ACSM2B: variants seen among roughly 807,000 people sequenced by gnomAD.
The protein encoded by ACSM2B is acyl-CoA synthetase medium chain family member 2B.
In ACSM2B, 58 loss-of-function variants were observed where a neutral mutation model predicts 78.6. The ratio of observed to expected loss-of-function variants is 0.74; its 90% confidence interval spans 0.60 to 0.92. ACSM2B has a LOEUF of 0.92. Among genes scored for constraint, ACSM2B ranks in the 40% least tolerant of loss-of-function variants. The pLI is 0.00. For synonymous variants in ACSM2B, 257 were observed against 256.8 expected (o/e 1.00, Z -0.01); for missense variants, 688 against 711.2 (o/e 0.97, Z 0.37).
At chr16:20,574,859 C>T (rs1036059248) in intron 1 of ACSM2B, among the ~76,000 whole-genome samples, 2 of 150,760 alleles carry the variant, frequency 1.3e-5, no homozygotes, top group Admixed American at 1.3e-4. Flanking sequence ...GCTTCTGAAG[C>T]TGGGAGATAG....
At chr16:20,538,654 G>C (rs1463572790) in intron 13 of ACSM2B, among the ~76,000 whole-genome samples, 1 of 152,140 alleles carries the variant, frequency 6.6e-6, no homozygotes, top group Non-Finnish European at 1.5e-5. Flanking sequence ...CACATCTATT[G>C]AGATATTTGA....
chr16:20,566,700 A>ATATATATAG (rs1567218410), intron 1 of ACSM2B, among the ~76,000 whole-genome samples: 1 of 6,704 alleles, frequency 1.5e-4, no homozygotes, highest in African/African-American at 4.7e-4. Context: ...TATATATAGT[A>ATATATATAG]TATATATAGT....
chr16:20,572,111 G>T (rs1025038588), intron 1 of ACSM2B, among the ~76,000 whole-genome samples: 24 of 151,212 alleles, frequency 1.6e-4, no homozygotes, highest in African/African-American at 5.8e-4. Flanking sequence ...CATTCATTGT[G>T]CTATTTGTTG....
intron 2 of ACSM2B, 107 bp downstream of exon 2, chr16:20,564,562 A>C: frequency 6.7e-7 from 1 of 1,483,372 alleles, no homozygotes; most frequent in South Asian, 1.4e-5. Flanking sequence ...AGCTTATTAC[A>C]GTGCCTTACA....
chr16:20,570,702 C>CGTT (rs772640376), intron 1 of ACSM2B, among the ~76,000 whole-genome samples: 2 of 150,664 alleles, frequency 1.3e-5, no homozygotes, highest in South Asian at 2.1e-4. Flanking sequence ...TTTTTGTTGT[C>CGTT]GTTGTTGTTG....
intron 1 of ACSM2B, chr16:20,574,151 G>C (rs2016178399): frequency 6.6e-6 from 1 of 151,984 alleles, no homozygotes. Context: ...TTCCATGCTG[G>C]GAAAAGAATT....
At chr16:20,549,900 G>T (rs1246851637) in intron 6 of ACSM2B, 1 of 379,862 alleles carries the variant, frequency 2.6e-6, no homozygotes, top group African/African-American at 2.2e-5. Flanking sequence ...AGAAAGGAAT[G>T]CCTTAGTTAA....
intron 1 of ACSM2B, among the ~76,000 whole-genome samples, chr16:20,567,307 A>G (rs2015932057): frequency 8.1e-6 from 1 of 122,722 alleles, no homozygotes; most frequent in Admixed American, 1.0e-4. Flanking sequence ...TGTATAGTAC[A>G]ATATATAATA....
intron 2 of ACSM2B, among the ~76,000 whole-genome samples, chr16:20,562,885 A>G (rs2015705646): frequency 6.6e-6 from 1 of 152,148 alleles, no homozygotes; most frequent in Admixed American, 6.6e-5. Context: ...AAACTTACTG[A>G]CACTACCTAG....
Position 20,540,743 on chromosome 16 carries a change from G to A in ACSM2B, c.1540C>T (p.Gln514Ter). The A allele has an allele frequency of 6.2e-7, 1 of 1,614,096 alleles. No individual in the cohort carries two copies. The highest frequency in any genetic ancestry group is 2.2e-5 in the East Asian group (1 of 44,880). The change falls in exon 13 of 14, where the codon CAG becomes TAG. Residue 514 changes from glutamine (Q) to a stop codon, truncating the protein, a stop_gained. Transcript: ENST00000329697. LOFTEE classifies it high-confidence loss of function. ...TGTTCTGGGTCATGGGATAGGAACT[G>A]CGAGGCCAGGATCACAAATGCCTTC... ...VVKAFVILASQFLSHDPEQLT... is the reference protein window; with the variant it reads ...VVKAFVILAS
chr16:20,566,322 C>T (rs2015839197), intron 1 of ACSM2B, among the ~76,000 whole-genome samples: 1 of 122,828 alleles, frequency 8.1e-6, no homozygotes, highest in East Asian at 2.2e-4. Context: ...TATCCATCAG[C>T]TTGGAATGAA....
chr16:20,550,184 G>A (rs1033757167), intron 6 of ACSM2B, among the ~76,000 whole-genome samples: 6 of 151,996 alleles, frequency 3.9e-5, no homozygotes, highest in Non-Finnish European at 7.4e-5. Flanking sequence ...TTTTATTTTT[G>A]GTTTACAAGT....
Position 20,564,804 on chromosome 16 carries a change from C to A in ACSM2B, c.42G>T (p.Trp14Cys). ...GAGTGCGGCTGGACATCTGAGTACC[C>A]CACAGGGTGCAAAGTCCCTGAACTT... ...LRKVQGLCTL[W>C]GTQMSSRTLY... Residue 14 changes from tryptophan to cysteine, a missense_variant, in exon 2 of 14, where the codon TGG (tryptophan) becomes TGT (cysteine). Coordinates refer to ENST00000329697, the MANE Select transcript of ACSM2B (RefSeq NM_001105069.2). 1 of 1,612,640 alleles carries A rather than the reference C, an allele frequency of 6.2e-7. No homozygotes were observed. The highest frequency in any genetic ancestry group is 8.5e-7 in the Non-Finnish European group (1 of 1,179,132).
Position 20,540,692 on chromosome 16 carries a change from C to A in ACSM2B, c.1591G>T (p.Val531Leu), listed in dbSNP as rs201732013. 18 of 1,614,140 alleles carry A rather than the reference C, an allele frequency of 1.1e-5. No homozygotes were observed. In the East Asian group the frequency reaches 4.0e-4, roughly 36 times the overall value. The change falls in exon 13 of 14, where the codon GTG becomes TTG. Residue 531 changes from valine to leucine, a missense_variant. By Grantham distance (32) the Val-to-Leu change is conservative. Coordinates refer to ENST00000329697, the MANE Select transcript of ACSM2B (RefSeq NM_001105069.2). ...EQLTKELQQH[V>L]KSVTAPYKYP... ...TTGTATGGGGCTGTCACTGACTTCA[C>A]ATGCTGCTGCAGCTCCTTGGTGAGC...
intron 1 of ACSM2B, among the ~76,000 whole-genome samples, chr16:20,570,346 T>A (rs998641928): frequency 6.6e-6 from 1 of 152,042 alleles, no homozygotes; most frequent in Admixed American, 6.6e-5. Context: ...TAATTCTGTT[T>A]ATGTGGTGTA....
chr16:20,566,822 A>G (rs1284342892), intron 1 of ACSM2B, among the ~76,000 whole-genome samples: 1 of 114,664 alleles, frequency 8.7e-6, no homozygotes, highest in Non-Finnish European at 1.7e-5. Flanking sequence ...ATACATTTTT[A>G]TATCTTTTAT....
chr16:20,562,308 T>C (rs2015685355), intron 2 of ACSM2B, among the ~76,000 whole-genome samples: 1 of 152,138 alleles, frequency 6.6e-6, no homozygotes, highest in South Asian at 2.1e-4. Context: ...TGAAAGAGTC[T>C]CATGTATCCT....
intron 6 of ACSM2B, chr16:20,550,016 T>C (rs1370922401): frequency 3.6e-5 from 10 of 278,456 alleles, no homozygotes; most frequent in Admixed American, 9.7e-5. Flanking sequence ...TTATCAGACT[T>C]AAAGTCTATA....
intron 3 of ACSM2B, among the ~76,000 whole-genome samples, chr16:20,555,767 C>A (rs1291049208): frequency 6.6e-6 from 1 of 152,132 alleles, no homozygotes; most frequent in Admixed American, 6.5e-5. Flanking sequence ...CACCCACTCT[C>A]ACCCCTCAAA....
Sources: allele counts gnomAD v4.1 joint callset (sites outside exome capture counted in the v4.1 genomes callset), GRCh38; gene constraint gnomAD v4.1.1; transcripts MANE v1.5; gene names NCBI Gene and HGNC (gene_info 2026-07-23, HGNC 2026-07-21).